Variants in FBRSL1 observed in about 807,000 individuals in gnomAD.
The protein encoded by FBRSL1 is fibrosin like 1.
FBRSL1 carries 51 observed loss-of-function variants against 89.6 expected under a neutral mutation model. That is an observed-to-expected ratio of 0.57 (90% CI 0.45 to 0.72). The LOEUF is 0.72. Ranked by LOEUF, FBRSL1 falls within the 30% of genes least tolerant of loss-of-function variation. FBRSL1 has a pLI of 0.00. For missense variants in FBRSL1, 1,618 were observed against 1,451.8 expected (o/e 1.11, Z -1.86); for synonymous variants, 779 against 681.1 (o/e 1.14, Z -2.24).
At position 132,571,990 on chromosome 12, in the gene FBRSL1, C is replaced by G. The variant is rs1030632775; in HGVS notation, c.1378-298C>G. On this transcript the variant is annotated intron_variant, in intron 9 of 18. Coordinates refer to ENST00000680143, the MANE Select transcript of FBRSL1 (RefSeq NM_001367871.1). The stretch of plus-strand genomic sequence containing the variant: ...TAACCCGGTGTGTCCCCAGCGCGAC[C>G]CAGCAGCCAGGGCTTCACGCCCCAG... The G allele has an allele frequency of 6.0e-4, 299 of 495,738 alleles. 1 individual carries two copies. Among genetic ancestry groups the G allele is most frequent in the Non-Finnish European group, 1.5e-4 (42 of 281,102 alleles). The allele number at this position is 495,738 out of a possible 1,614,324, so 30.7% of individuals were successfully genotyped here.
chr12:132,494,613 G>A (rs560471357), intron 1 of FBRSL1, among the ~76,000 whole-genome samples: 10 of 152,374 alleles, frequency 6.6e-5, no homozygotes, highest in African/African-American at 1.7e-4. Context: ...AGCTCCAGGC[G>A]GACACCACCA....
Position 132,525,759 on chromosome 12 carries a change from G to A in FBRSL1, c.515G>A (p.Gly172Asp). The A allele has an allele frequency of 6.5e-7, 1 of 1,549,874 alleles. No homozygotes were observed. Among genetic ancestry groups the A allele is most frequent in the Non-Finnish European group, 8.7e-7 (1 of 1,146,248 alleles). The change falls in exon 3 of 19, where the codon GGC becomes GAC. Residue 172 changes from glycine (G) to aspartate (D), a missense_variant. By Grantham distance (94) the Gly-to-Asp change is moderately conservative. Coordinates refer to ENST00000680143, the MANE Select transcript of FBRSL1 (RefSeq NM_001367871.1). ...KQMKVTVSKG[G>D]DRDSDDDSVL... ...ATGAAGGTCACCGTGTCCAAAGGGG[G>A]CGACCGGGACAGTGACGACGACAGC...
intron 9 of FBRSL1, chr12:132,571,597 C>G: frequency 9.8e-7 from 1 of 1,018,832 alleles, no homozygotes; most frequent in Non-Finnish European, 1.3e-6. Context: ...CACACACAGA[C>G]ACACGCTCGC....
chr12:132,553,458 G>C (rs1195707074), intron 5 of FBRSL1: 1 of 152,184 alleles, frequency 6.6e-6, no homozygotes, highest in African/African-American at 2.4e-5. Flanking sequence ...TGCTTGCCTG[G>C]GTCCCACGTG....
chr12:132,534,741 T>C (rs1283163271), intron 4 of FBRSL1, among the ~76,000 whole-genome samples: 1 of 152,200 alleles, frequency 6.6e-6, no homozygotes, highest in Non-Finnish European at 1.5e-5. Flanking sequence ...TTCTGGGCCT[T>C]GGTGGCTCAA....
In FBRSL1 at chr12:132,571,474, G is replaced by A. The variant is rs535217910; in HGVS notation, c.1377+243G>A. On this transcript the variant is annotated intron_variant, in intron 9 of 18. Transcript: ENST00000680143. ...CACACACCAGCACCAACACACATTCGCCCCCTTCCCCGCAGGGCTGCCCCC... is the reference window on the plus strand; with the variant it reads ...CACACACCAGCACCAACACACATTCACCCCCTTCCCCGCAGGGCTGCCCCC... 59 of 1,547,844 alleles carry A rather than the reference G, an allele frequency of 3.8e-5. No homozygotes were observed. Among genetic ancestry groups the A allele is most frequent in the South Asian group, 1.7e-4 (14 of 83,894 alleles).
intron 2 of FBRSL1, chr12:132,510,670 C>G (rs2034230927): frequency 2.4e-6 from 3 of 1,229,096 alleles, no homozygotes; most frequent in Non-Finnish European, 3.0e-6. Context: ...TGAGGCTCAC[C>G]ACACCAGGAA....
At chr12:132,565,396 T>C (rs755805493) in intron 5 of FBRSL1, 3 of 152,214 alleles carry the variant, frequency 2.0e-5, no homozygotes, top group Non-Finnish European at 4.4e-5. Flanking sequence ...GTGATGCTCA[T>C]GTAAACAAAC....
chr12:132,511,599 G>A, intron 2 of FBRSL1: 1 of 985,574 alleles, frequency 1.0e-6, no homozygotes, highest in Middle Eastern at 5.2e-4. Flanking sequence ...GAGCAGCGTT[G>A]ACCACCTGGA....
intron 4 of FBRSL1, among the ~76,000 whole-genome samples, chr12:132,541,187 A>G (rs2037235099): frequency 6.7e-6 from 1 of 149,286 alleles, no homozygotes; most frequent in African/African-American, 2.5e-5. Context: ...CCACACCCCT[A>G]CCCCGAGGCA....
chr12:132,493,706 G>A (rs2031510193), intron 1 of FBRSL1, among the ~76,000 whole-genome samples: 1 of 152,088 alleles, frequency 6.6e-6, no homozygotes, highest in Non-Finnish European at 1.5e-5. Context: ...GCAGGCCCCC[G>A]CCCCCTTTGT....
chr12:132,578,592 G>A (rs1227483057), intron 15 of FBRSL1, among the ~76,000 whole-genome samples: 2 of 152,094 alleles, frequency 1.3e-5, no homozygotes, highest in Admixed American at 6.5e-5. Flanking sequence ...ACGTGTACAG[G>A]CACACGTACA....
chr12:132,501,807 C>G (rs2033005000), intron 1 of FBRSL1, among the ~76,000 whole-genome samples: 1 of 152,148 alleles, frequency 6.6e-6, no homozygotes, highest in Non-Finnish European at 1.5e-5. Flanking sequence ...TGAGCAGGAG[C>G]TGGCGGGGAG....
At chr12:132,510,938 G>A (rs1429881994) in intron 2 of FBRSL1, 3 of 995,022 alleles carry the variant, frequency 3.0e-6, no homozygotes, top group Middle Eastern at 5.1e-4. Context: ...TGAGCCTGGT[G>A]TGTGCGTGCT....
At position 132,576,940 on chromosome 12, in the gene FBRSL1, G is replaced by C. The variant is rs1403602918; in HGVS notation, c.1834+9G>C. 1.3e-6 allele frequency: 2 copies of C among 1,545,442 alleles called. No individual in the cohort carries two copies. Among genetic ancestry groups the C allele is most frequent in the African/African-American group, 2.7e-5 (2 of 72,912 alleles). On this transcript the variant is annotated intron_variant, in intron 15 of 18. Transcript: ENST00000680143. ...CCTCTTCCCCAGCACAGGTGAGACT[G>C]GAGTCGGGCCAGGTGGGGGGCACAG...
intron 3 of FBRSL1, among the ~76,000 whole-genome samples, chr12:132,527,544 G>A (rs971912524): frequency 6.6e-6 from 1 of 152,198 alleles, no homozygotes; most frequent in Non-Finnish European, 1.5e-5. Flanking sequence ...TGGTGGTCTT[G>A]GGTCTGGGCA....
At chr12:132,581,000 A>G (rs1029674710) in intron 15 of FBRSL1, 2 of 985,352 alleles carry the variant, frequency 2.0e-6, no homozygotes, top group African/African-American at 1.7e-5. Context: ...TGCAGCCTCC[A>G]AGACAGAACC....
intron 5 of FBRSL1, among the ~76,000 whole-genome samples, chr12:132,558,629 C>T (rs2038865712): frequency 1.3e-5 from 2 of 152,248 alleles, no homozygotes; most frequent in African/African-American, 4.8e-5. Context: ...GTGATTCCTT[C>T]TATACCGTTG....
intron 2 of FBRSL1, among the ~76,000 whole-genome samples, chr12:132,525,080 G>A (rs897770740): frequency 6.6e-6 from 1 of 152,164 alleles, no homozygotes; most frequent in East Asian, 1.9e-4. Flanking sequence ...GCGTGGGGGT[G>A]GGGTGAAGGG....
Sources: gnomAD v4.1 joint callset for allele counts (sites outside exome capture counted in the v4.1 genomes callset) on GRCh38, gnomAD v4.1.1 for gene constraint, MANE v1.5 for transcripts, NCBI Gene and HGNC (gene_info 2026-07-23, HGNC 2026-07-21) for gene names.